RBFOX3: variants seen among roughly 807,000 people sequenced by gnomAD.
RBFOX3 encodes RNA binding fox-1 homolog 3.
Under a neutral mutation model 48.7 loss-of-function variants are expected in RBFOX3, and 17 were observed. The ratio of observed to expected loss-of-function variants is 0.35; its 90% CI spans 0.24 to 0.52. The LOEUF (loss-of-function observed/expected upper bound fraction) is 0.52, where lower values mean the gene tolerates loss of function less well. RBFOX3 is among the 20% of genes least tolerant of loss of function. The pLI, the probability that RBFOX3 is intolerant of heterozygous loss-of-function variation, is 0.94. For synonymous variants in RBFOX3, 212 were observed against 209.5 expected, an observed-to-expected ratio of 1.01 and a Z score of -0.10; for missense variants, 382 against 497.5, an observed-to-expected ratio of 0.77 and a Z score of 2.21.
At chr17:79,393,463 T>C (rs568422599) in intron 2 of RBFOX3, among the ~76,000 whole-genome samples, 1 of 152,356 alleles carries the variant, frequency 6.6e-6, no homozygotes, top group East Asian at 1.9e-4. Flanking sequence ...TGGCGCCACC[T>C]CGCGGCGCTG....
chr17:79,620,045 A>ATG, the RBFOX3 span, among the ~76,000 whole-genome samples: 1 of 151,542 alleles, frequency 6.6e-6, no homozygotes, highest in Non-Finnish European at 1.5e-5. Flanking sequence ...ATATGCACAC[A>ATG]CGCACATGCA....
chr17:79,340,515 A>T (rs2081921599), intron 2 of RBFOX3, among the ~76,000 whole-genome samples: 1 of 151,708 alleles, frequency 6.6e-6, no homozygotes, highest in South Asian at 2.1e-4. Context: ...TCCCCTCCAC[A>T]CCTCCCCAGC....
rs565764459 is a variant in RBFOX3 at position 79,230,941 on chromosome 17, G to A, written c.-34+4825C>T. Among the ~76,000 whole-genome samples the A allele has an allele frequency of 1.0e-3, 153 of 152,222 alleles. 1 individual carries two copies. The highest frequency in any genetic ancestry group is 4.2e-3 in the Admixed American group (65 of 15,296). On this transcript the variant is annotated intron_variant, in intron 4 of 14. Transcript: ENST00000693108. ...AATGGGGACTGATGTGCCTGCCTCC[G>A]AGAACAATAACAACAAGCTGAAGAC...
At chr17:79,624,820 A>G in the RBFOX3 span, among the ~76,000 whole-genome samples, 73,113 of 112,680 alleles carry the variant, frequency 0.65, 20,271 homozygotes, top group Middle Eastern at 0.72. Flanking sequence ...CCCGCCCCCC[A>G]CCCCCCGCCC....
At chr17:79,143,594 C>T (rs1372908565) in intron 4 of RBFOX3, among the ~76,000 whole-genome samples, 3 of 152,192 alleles carry the variant, frequency 2.0e-5, no homozygotes, top group African/African-American at 4.8e-5. Context: ...GTTCTCCCCA[C>T]CAGGGACACC....
At chr17:79,338,478 G>A (rs1234516644) in intron 2 of RBFOX3, among the ~76,000 whole-genome samples, 10 of 152,174 alleles carry the variant, frequency 6.6e-5, no homozygotes, top group Non-Finnish European at 1.5e-4. Flanking sequence ...GATGGGAAGA[G>A]TCCCTGTGAA....
intron 5 of RBFOX3, among the ~76,000 whole-genome samples, chr17:79,109,182 C>G (rs374773100): frequency 6.6e-6 from 1 of 152,206 alleles, no homozygotes; most frequent in Admixed American, 6.5e-5. Context: ...TCATGGCTCT[C>G]GGAGGGCATG....
chr17:79,425,891 G>A (rs2067272002), intron 2 of RBFOX3, among the ~76,000 whole-genome samples: 1 of 152,202 alleles, frequency 6.6e-6, no homozygotes. Flanking sequence ...GGATCTTGCT[G>A]CAAAGAGGGG....
chr17:79,309,939 G>A (rs1296786455), intron 2 of RBFOX3, among the ~76,000 whole-genome samples: 2 of 152,124 alleles, frequency 1.3e-5, no homozygotes, highest in African/African-American at 4.8e-5. Flanking sequence ...CCAGTCTCAG[G>A]TAGTTCTTTA....
chr17:79,101,290 T>C (rs747782486), intron 9 of RBFOX3, among the ~76,000 whole-genome samples: 4 of 152,166 alleles, frequency 2.6e-5, no homozygotes, highest in Non-Finnish European at 5.9e-5. Context: ...TCCCCCTGGA[T>C]CAGAAGCCTG....
At chr17:79,093,106 G>A (rs900280392) in intron 14 of RBFOX3, among the ~76,000 whole-genome samples, 1 of 152,246 alleles carries the variant, frequency 6.6e-6, no homozygotes, top group Non-Finnish European at 1.5e-5. Flanking sequence ...GGAGAGGCAA[G>A]CCTGCTGGGC....
chr17:79,154,350 CCT>C (rs1468661202), intron 4 of RBFOX3, among the ~76,000 whole-genome samples: 4 of 152,224 alleles, frequency 2.6e-5, no homozygotes, highest in African/African-American at 7.2e-5. Context: ...TGCTGTTAGC[CCT>C]CTGTCTCGGG....
chr17:79,121,421 A>T (rs1816462463), intron 4 of RBFOX3, among the ~76,000 whole-genome samples: 1 of 151,974 alleles, frequency 6.6e-6, no homozygotes, highest in South Asian at 2.1e-4. Flanking sequence ...CTTAGAGCAA[A>T]ACTTCCCAAA....
the RBFOX3 span, among the ~76,000 whole-genome samples, chr17:79,653,704 G>A: frequency 6.6e-6 from 1 of 151,930 alleles, no homozygotes; most frequent in Non-Finnish European, 1.5e-5. Flanking sequence ...GAAAGAGAAT[G>A]CTGGTGTTTA....
chr17:79,529,269 C>T (rs1599051605), intron 1 of RBFOX3, among the ~76,000 whole-genome samples: 2 of 152,294 alleles, frequency 1.3e-5, no homozygotes, highest in African/African-American at 4.8e-5. Flanking sequence ...CTGTAAAGCC[C>T]AGCAAAGGTT....
intron 3 of RBFOX3, among the ~76,000 whole-genome samples, chr17:79,288,192 C>G (rs142104880): frequency 2.8e-4 from 43 of 152,246 alleles, no homozygotes; most frequent in African/African-American, 9.6e-4. Context: ...ACAAATCATA[C>G]CACTTGCTGG....
intron 4 of RBFOX3, among the ~76,000 whole-genome samples, chr17:79,128,110 G>A (rs1460383494): frequency 6.6e-6 from 1 of 152,214 alleles, no homozygotes; most frequent in Non-Finnish European, 1.5e-5. Context: ...ACTCCTGGCG[G>A]AAGCCCTCCC....
At chr17:79,292,602 A>AC (rs1567988318) in intron 3 of RBFOX3, among the ~76,000 whole-genome samples, 1,079 of 87,350 alleles carry the variant, frequency 0.012, 16 homozygotes, top group African/African-American at 0.045. Flanking sequence ...ACACACACGC[A>AC]CACACACACA....
At chr17:79,110,764 A>T (rs1568148210) in intron 5 of RBFOX3, among the ~76,000 whole-genome samples, 1 of 152,214 alleles carries the variant, frequency 6.6e-6, no homozygotes, top group Non-Finnish European at 1.5e-5. Flanking sequence ...TTTGAAGAAC[A>T]CAGGATTTCA....
Sources: gnomAD v4.1 joint callset for allele counts (sites outside exome capture counted in the v4.1 genomes callset) on GRCh38, gnomAD v4.1.1 for gene constraint, MANE v1.5 for transcripts, NCBI Gene and HGNC (gene_info 2026-07-23, HGNC 2026-07-21) for gene names.